The following FGGY variants were observed in gnomAD, a reference collection of about 807,000 sequenced individuals.
FGGY encodes the protein FGGY carbohydrate kinase domain-containing protein.
A neutral mutation model predicts 71.3 loss-of-function variants in FGGY; 72 were observed. The ratio of observed to expected loss-of-function variants is 1.01; its 90% CI spans 0.84 to 1.23. FGGY has a LOEUF of 1.23. FGGY is among the 50% of genes most tolerant of loss of function. The probability of loss-of-function intolerance (pLI) is 0.00; values close to 1 mark genes in which losing one functional copy is unlikely to be tolerated. For synonymous variants in FGGY, 251 were observed against 250.3 expected (o/e 1.00, Z -0.02); for missense variants, 668 against 682.3 (o/e 0.98, Z 0.23).
At chr1:59,549,898 A>G (rs1256599144) in intron 7 of FGGY, among the ~76,000 whole-genome samples, 1 of 152,184 alleles carries the variant, frequency 6.6e-6, no homozygotes, top group Non-Finnish European at 1.5e-5. Context: ...GAAGTTTTAA[A>G]TGTTCCTTTT....
At chr1:59,453,282 A>G (rs909586553) in intron 5 of FGGY, among the ~76,000 whole-genome samples, 1 of 152,220 alleles carries the variant, frequency 6.6e-6, no homozygotes, top group African/African-American at 2.4e-5. Flanking sequence ...TTCTGTAGTC[A>G]TCTTCACTCC....
intron 8 of FGGY, among the ~76,000 whole-genome samples, chr1:59,588,366 C>T (rs1417723024): frequency 6.6e-6 from 1 of 152,012 alleles, no homozygotes; most frequent in Non-Finnish European, 1.5e-5. Flanking sequence ...TTGAAAAACA[C>T]TCTGCAGGAT....
chr1:59,301,224 A>G (rs1228609333), intron 1 of FGGY, among the ~76,000 whole-genome samples: 1 of 152,138 alleles, frequency 6.6e-6, no homozygotes, highest in Non-Finnish European at 1.5e-5. Flanking sequence ...TTTTTTGATG[A>G]TATTGTAAAT....
intron 5 of FGGY, among the ~76,000 whole-genome samples, chr1:59,409,619 T>G (rs2063310929): frequency 7.0e-6 from 1 of 142,944 alleles, no homozygotes; most frequent in Admixed American, 6.9e-5. Context: ...TATATATATA[T>G]ATATAAACAG....
Position 59,592,701 on chromosome 1 carries a change from C to T in FGGY, c.904-15102C>T, listed in dbSNP as rs181422071. 1.0e-3 allele frequency among the ~76,000 whole-genome samples: 157 copies of T among 150,002 alleles called. 1 individual carries two copies. The highest frequency in any genetic ancestry group is 3.5e-3 in the African/African-American group (143 of 40,302). On this transcript the variant is annotated intron_variant, in intron 8 of 15. Transcript: ENST00000303721. ...ATAGCAAGAACAAAAGACCAAACAC[C>T]GCATATTCTCACTCATAGGTGGGAA...
Position 59,355,021 on chromosome 1 carries a change from G to A in FGGY, c.465+8623G>A, listed in dbSNP as rs571008292. On this transcript the variant is annotated intron_variant, in intron 4 of 15. Transcript: ENST00000303721. ...ACAGAGGCGTAGGAGGGGGTTTGGCGAAGTGGGCAAAGGCTGCTGCATGCA... is the reference window on the plus strand; with the variant it reads ...ACAGAGGCGTAGGAGGGGGTTTGGCAAAGTGGGCAAAGGCTGCTGCATGCA... 6.6e-5 allele frequency among the ~76,000 whole-genome samples: 10 copies of A among 152,362 alleles called. No homozygotes were observed. In the East Asian group the frequency reaches 1.3e-3, roughly 21 times the overall value.
intron 3 of FGGY, among the ~76,000 whole-genome samples, chr1:59,344,563 A>C (rs1377721765): frequency 6.6e-6 from 1 of 152,190 alleles, no homozygotes; most frequent in Non-Finnish European, 1.5e-5. Context: ...ACAACAACAA[A>C]CAGTATACAA....
intron 8 of FGGY, among the ~76,000 whole-genome samples, chr1:59,574,357 A>G (rs2096042482): frequency 6.6e-6 from 1 of 152,210 alleles, no homozygotes; most frequent in Admixed American, 6.5e-5. Context: ...TCTTACAAGA[A>G]CAGTTATGAT....
At chr1:59,502,658 C>T (rs1471124740) in intron 6 of FGGY, among the ~76,000 whole-genome samples, 7 of 152,158 alleles carry the variant, frequency 4.6e-5, no homozygotes. Flanking sequence ...ATGGTGCTGC[C>T]ATAGCAGGGA....
chr1:59,520,933 G>A (rs2094809167), intron 7 of FGGY, among the ~76,000 whole-genome samples: 1 of 150,996 alleles, frequency 6.6e-6, no homozygotes, highest in Admixed American at 6.6e-5. Flanking sequence ...CTGCGCAGGA[G>A]CCAGGCCAGG....
intron 6 of FGGY, among the ~76,000 whole-genome samples, chr1:59,479,029 A>G (rs900795879): frequency 2.0e-5 from 3 of 152,342 alleles, no homozygotes; most frequent in Non-Finnish European, 4.4e-5. Flanking sequence ...GCCACAGCTA[A>G]CACTGAGCAC....
intron 11 of FGGY, among the ~76,000 whole-genome samples, chr1:59,642,180 T>C (rs1284377650): frequency 6.6e-6 from 1 of 152,174 alleles, no homozygotes; most frequent in East Asian, 1.9e-4. Flanking sequence ...AAGGGTGTAG[T>C]TTGCACTACT....
At chr1:59,413,072 A>G (rs2063837757) in intron 5 of FGGY, among the ~76,000 whole-genome samples, 1 of 152,182 alleles carries the variant, frequency 6.6e-6, no homozygotes, top group African/African-American at 2.4e-5. Context: ...TTTGACCTGG[A>G]ATGCCCTCTC....
At chr1:59,434,846 G>A (rs961910340) in intron 5 of FGGY, among the ~76,000 whole-genome samples, 4 of 152,092 alleles carry the variant, frequency 2.6e-5, no homozygotes, top group Non-Finnish European at 2.9e-5. Context: ...AATTTTGAGG[G>A]GGGGATACAC....
chr1:59,553,277 C>T (rs774721016), intron 7 of FGGY, among the ~76,000 whole-genome samples: 1 of 152,200 alleles, frequency 6.6e-6, no homozygotes, highest in Admixed American at 6.5e-5. Flanking sequence ...TGCAAGTCTG[C>T]GTGTTTGTGG....
intron 5 of FGGY, among the ~76,000 whole-genome samples, chr1:59,436,628 G>T (rs1386466971): frequency 6.6e-6 from 1 of 152,186 alleles, no homozygotes; most frequent in African/African-American, 2.4e-5. Flanking sequence ...AGTGAATGAA[G>T]AGTTCCTGAA....
intron 11 of FGGY, among the ~76,000 whole-genome samples, chr1:59,645,675 G>A (rs906716695): frequency 2.6e-5 from 4 of 152,132 alleles, no homozygotes; most frequent in Admixed American, 6.5e-5. Flanking sequence ...AAAAATTGGC[G>A]TGGCCTTTGT....
intron 14 of FGGY, among the ~76,000 whole-genome samples, chr1:59,746,253 T>C (rs1200353907): frequency 6.6e-6 from 1 of 152,112 alleles, no homozygotes; most frequent in Non-Finnish European, 1.5e-5. Flanking sequence ...GGAACAGGCT[T>C]TTTTGCCTGC....
At chr1:59,331,441 G>C (rs563479969) in intron 2 of FGGY, among the ~76,000 whole-genome samples, 1 of 152,134 alleles carries the variant, frequency 6.6e-6, no homozygotes. Context: ...TCTTCTTGCT[G>C]TTCCCCCTCC....
Sources: allele counts gnomAD v4.1 joint callset (sites outside exome capture counted in the v4.1 genomes callset), GRCh38; gene constraint gnomAD v4.1.1; transcripts MANE v1.5; gene names NCBI Gene and HGNC (gene_info 2026-07-23, HGNC 2026-07-21).